The following PLOD3 variants were observed in gnomAD, a reference collection of about 807,000 sequenced individuals.
PLOD3 encodes multifunctional procollagen lysine hydroxylase and glycosyltransferase LH3.
In PLOD3, 73 loss-of-function variants were observed where a neutral mutation model predicts 96.9. The observed-to-expected ratio is 0.75, with a 90% CI of 0.62 to 0.92. PLOD3 has a LOEUF of 0.92. Ranked by LOEUF, PLOD3 falls within the 40% of genes least tolerant of loss-of-function variation. The pLI is 0.00. For synonymous variants in PLOD3, 454 were observed against 413.7 expected (o/e 1.10, Z -1.18); for missense variants, 1,004 against 1,004.3 (o/e 1.00, Z 0.00).
intron 6 of PLOD3, among the ~76,000 whole-genome samples, chr7:101,214,694 G>A (rs537360311): frequency 2.6e-5 from 4 of 152,064 alleles, no homozygotes; most frequent in Admixed American, 6.6e-5. Flanking sequence ...AAAATGAGCT[G>A]GGCGTGGTGG....
intron 16 of PLOD3, chr7:101,208,610 C>G: frequency 2.0e-6 from 1 of 489,758 alleles, no homozygotes; most frequent in Non-Finnish European, 3.9e-6. Context: ...TGGCCTCAAA[C>G]TCCCCCTGCT....
At chr7:101,213,738 A>G (rs1562894776) in intron 6 of PLOD3, among the ~76,000 whole-genome samples, 1 of 152,028 alleles carries the variant, frequency 6.6e-6, no homozygotes, top group Non-Finnish European at 1.5e-5. Flanking sequence ...CACTCCCAAC[A>G]CGCAGGCTGG....
chr7:101,212,933 T>C lies in PLOD3; in HGVS notation c.788A>G (p.Asn263Ser), dbSNP rs201390485. 75 of 1,613,032 alleles carry C rather than the reference T, an allele frequency of 4.6e-5. No homozygotes were observed. The highest frequency in any genetic ancestry group is 4.4e-4 in the South Asian group (40 of 91,046). The change falls in exon 8 of 19, where the codon AAC becomes AGC. Residue 263 changes from asparagine (N) to serine (S), a missense_variant. By Grantham distance (46) the Asn-to-Ser change is conservative (BLOSUM62 1). Coordinates refer to ENST00000223127, the MANE Select transcript of PLOD3 (RefSeq NM_001084.5). ...HGNGPTKLQLNYLGNYVPNGW... is the reference protein window; with the variant it reads ...HGNGPTKLQLSYLGNYVPNGW... The stretch of plus-strand genomic sequence containing the variant: ...ATTGGGGACGTAGTTTCCCAGGTAG[T>C]TGAGCTGCAGCTGTTGGGGACAGAC...
At chr7:101,206,651 G>A (rs1348749967) in intron 18 of PLOD3, 128 bp downstream of exon 18, 4 of 1,182,040 alleles carry the variant, frequency 3.4e-6, no homozygotes, top group Non-Finnish European at 3.7e-6. Context: ...AGCGATCCAG[G>A]AGCTGATACC....
chr7:101,214,109 A>C (rs2116807594), intron 6 of PLOD3, among the ~76,000 whole-genome samples: 1 of 149,444 alleles, frequency 6.7e-6, no homozygotes, highest in South Asian at 2.1e-4. Context: ...CTGGGATTAC[A>C]GATGTGAGCT....
Position 101,212,251 on chromosome 7 carries a change from A to G in PLOD3, c.1127+2T>C. The G allele has an allele frequency of 6.2e-7, 1 of 1,612,522 alleles. No homozygotes were observed. The highest frequency in any genetic ancestry group is 1.3e-5 in the African/African-American group (1 of 74,986). ...CTCTCCTCCCCGCAAGCACCCGCTC[A>G]CATGGCCATGTCCCTGGCCTCGCCT... On this transcript the variant is annotated splice_donor_variant, in intron 10 of 18. Transcript: ENST00000223127. LOFTEE classifies it high-confidence loss of function.
In PLOD3 at chr7:101,213,126, T is replaced by C; in HGVS notation, c.758A>G (p.His253Arg). Residue 253 changes from histidine (H) to arginine (R), a missense_variant, in exon 7 of 19, where the codon CAT becomes CGT. Coordinates refer to ENST00000223127, the MANE Select transcript of PLOD3 (RefSeq NM_001084.5). ...VAYDTLPIVVHGNGPTKLQLN... is the reference protein window; with the variant it reads ...VAYDTLPIVVRGNGPTKLQLN... ...TGGCACCTTAGTGGGACCGTTTCCA[T>C]GGACCACAATGGGGAGCGTGTCGTA... is the stretch of plus-strand genomic sequence containing the variant. 1 of 1,612,982 alleles carries C rather than the reference T, an allele frequency of 6.2e-7. No homozygotes were observed. Among genetic ancestry groups the C allele is most frequent in the Non-Finnish European group, 8.5e-7 (1 of 1,179,052 alleles).
chr7:101,207,493 G>C (rs751401703), intron 17 of PLOD3, 85 bp downstream of exon 17: 105 of 1,410,526 alleles, frequency 7.4e-5, no homozygotes, highest in Non-Finnish European at 1.0e-4. Flanking sequence ...AATGCTGCCG[G>C]GGCCGAAAGG....
Position 101,217,189 on chromosome 7 carries a change from CG to C in PLOD3, c.85del (p.Arg29GlyfsTer13). The C allele has an allele frequency of 2.7e-6, 4 of 1,491,586 alleles. No homozygotes were observed. Among genetic ancestry groups the C allele is most frequent in the Non-Finnish European group, 1.8e-6 (2 of 1,121,596 alleles). 92.4% of individuals were successfully genotyped at this position (1,491,586 alleles called of 1,614,324 possible). ...PPAASASDRP[R>X]GRDPVNPEKL... ...ACCTGGGTTGACCGGGTCTCGGCCC[CG>C]GGGCCGGTCGGAGGCTGAGGCCGCA... On this transcript the variant is annotated frameshift_variant, in exon 1 of 19. Transcript: ENST00000223127. LOFTEE classifies it high-confidence loss of function.
At chr7:101,211,522 G>C in intron 12 of PLOD3, 69 bp downstream of exon 12, 1 of 1,511,414 alleles carries the variant, frequency 6.6e-7, no homozygotes, top group Non-Finnish European at 9.0e-7. Flanking sequence ...ACCCCTGAGA[G>C]TAGGGGGCTT....
chr7:101,206,833 G>A lies in PLOD3; in HGVS notation c.2007C>T (p.Asp669=). The change falls in exon 18 of 19, where the codon GAC becomes GAT. Residue 669 remains aspartate, a synonymous_variant. Coordinates refer to ENST00000223127, the MANE Select transcript of PLOD3 (RefSeq NM_001084.5). ...DEQPSLRPHH[D]SSTFTLNVAL... ...CAACGTTGAGGGTGAAGGTGGATGAGTCGTGGTGTGGCCGCAGAGACGGCT... is the reference window on the plus strand; with the variant it reads ...CAACGTTGAGGGTGAAGGTGGATGAATCGTGGTGTGGCCGCAGAGACGGCT... The A allele has an allele frequency of 6.3e-7, 1 of 1,575,622 alleles. No individual in the cohort carries two copies. The highest frequency in any genetic ancestry group is 8.6e-7 in the Non-Finnish European group (1 of 1,160,268).
Position 101,216,030 on chromosome 7 carries a change from A to AG in PLOD3, c.503-11dup, listed in dbSNP as rs1471316808. The stretch of plus-strand genomic sequence containing the variant: ...GCAAAACCGATGAATCCTGGCGGGG[A>AG]GGGGGAGTGTTGACCTCGAGACTCC... On this transcript the variant is annotated splice_polypyrimidine_tract_variant and intron_variant, in intron 4 of 18. Transcript: ENST00000223127. 3 of 1,612,184 alleles carry AG rather than the reference A, an allele frequency of 1.9e-6. No homozygotes were observed. The African/African-American group carries it at 4.0e-5, about 22-fold the overall frequency.
rs528447820 is a variant in PLOD3 at position 101,215,716 on chromosome 7, G to A, written c.615+192C>T. Among the ~76,000 whole-genome samples the A allele has an allele frequency of 5.9e-5, 9 of 152,150 alleles. No homozygotes were observed. The East Asian group carries it at 1.7e-3, about 29-fold the overall frequency. ...AGGTCTCAACTATGTTGTCCAGGCT[G>A]GTCTTAAATTCCTGGACTCAAGCAA... is the stretch of plus-strand genomic sequence containing the variant. On this transcript the variant is annotated intron_variant, in intron 5 of 18. Coordinates refer to ENST00000223127, the MANE Select transcript of PLOD3 (RefSeq NM_001084.5).
Position 101,216,709 on chromosome 7 carries a change from T to G in PLOD3, c.187A>C (p.Asn63His). Residue 63 changes from asparagine to histidine, a missense_variant, in exon 2 of 19, where the codon AAC becomes CAC. This residue lies in a region of PLOD3 where 690 missense variants were observed against 650.2 expected (regional missense o/e 1.06). Transcript: ENST00000223127. ...CCTCTCCTCACCCGCACAGTGTAGT[T>G]GAAGAACTCCGCAGAGCGCAGGAAA... Reference protein sequence around the residue: ...LRFLRSAEFFNYTVRTLGLGE... With the variant: ...LRFLRSAEFFHYTVRTLGLGE... The G allele has an allele frequency of 6.2e-7, 1 of 1,613,746 alleles. No homozygotes were observed. The highest frequency in any genetic ancestry group is 8.5e-7 in the Non-Finnish European group (1 of 1,179,758).
chr7:101,207,608 G>A lies in PLOD3; in HGVS notation c.1905C>T (p.Thr635=), dbSNP rs758734790. 10 of 1,613,904 alleles carry A rather than the reference G, an allele frequency of 6.2e-6. No homozygotes were observed. The South Asian group carries it at 6.6e-5, about 11-fold the overall frequency. ...TGTGGTAACCGGGAAACAGGCTCTC[G>A]GTCATGGGGCCCACATACGTCCGCA... ...QLLRTYVGPM[T]ESLFPGYHTK... The change falls in exon 17 of 19, where the codon ACC becomes ACT. Residue 635 remains threonine (T), a synonymous_variant. Transcript: ENST00000223127.
In PLOD3 at chr7:101,210,598, C is replaced by T. The variant is rs780324767; in HGVS notation, c.1434G>A (p.Gln478=). The T allele has an allele frequency of 3.1e-6, 5 of 1,614,096 alleles. No homozygotes were observed. Among genetic ancestry groups the T allele is most frequent in the Admixed American group, 3.3e-5 (2 of 60,000 alleles). Residue 478 remains glutamine, a synonymous_variant, in exon 13 of 19, where the codon CAG becomes CAA. Transcript: ENST00000223127. ...RGDTLRMELP[Q]RDVFSGSDTD... ...TGTCACTGCCCGAGAACACATCCCT[C>T]TGGGGCAGCTCCATCCGCAGGGTAT...
In PLOD3 at chr7:101,216,226, C is replaced by A; in HGVS notation, c.439G>T (p.Glu147Ter). The A allele has an allele frequency of 1.2e-6, 2 of 1,613,902 alleles. No individual in the cohort carries two copies. Among genetic ancestry groups the A allele is most frequent in the South Asian group, 1.1e-5 (1 of 91,086 alleles). ...LFSAESFCWPEWGLAEQYPEV... is the reference protein window; with the variant it reads ...LFSAESFCWP ...GGGTACTGCTCCGCCAGCCCCCACT[C>A]GGGCCAGCAGAAGCTCTCTGCAGAG... The change falls in exon 4 of 19, where the codon GAG (glutamate) becomes TAG (stop). Residue 147 changes from glutamate to a stop codon, truncating the protein, a stop_gained. Coordinates refer to ENST00000223127, the MANE Select transcript of PLOD3 (RefSeq NM_001084.5). LOFTEE classifies it high-confidence loss of function.
Position 101,216,034 on chromosome 7 carries a change from G to C in PLOD3, c.503-14C>G. The stretch of plus-strand genomic sequence containing the variant: ...AACCGATGAATCCTGGCGGGGAGGG[G>C]GAGTGTTGACCTCGAGACTCCCAGG... On this transcript the variant is annotated splice_polypyrimidine_tract_variant and intron_variant, in intron 4 of 18. Transcript: ENST00000223127. The C allele has an allele frequency of 3.7e-6, 6 of 1,611,824 alleles. No homozygotes were observed. The highest frequency in any genetic ancestry group is 5.1e-6 in the Non-Finnish European group (6 of 1,177,912).
At chr7:101,210,483 C>T in intron 13 of PLOD3, 39 bp from the exon 14 acceptor site, 1 of 1,614,050 alleles carries the variant, frequency 6.2e-7, no homozygotes, top group Non-Finnish European at 8.5e-7. Context: ...CAGGCGATGC[C>T]TGGAGTCTGG....
Sources: gnomAD v4.1 joint callset for allele counts (sites outside exome capture counted in the v4.1 genomes callset) on GRCh38, gnomAD v4.1.1 for gene constraint, gnomAD v4.1.1 regional missense constraint, MANE v1.5 for transcripts, NCBI Gene and HGNC (gene_info 2026-07-23, HGNC 2026-07-21) for gene names.